Variants in FITM2 observed in about 807,000 individuals in gnomAD.
The protein encoded by FITM2 is acyl-coenzyme A diphosphatase FITM2.
In FITM2, 16 loss-of-function variants were observed where a neutral mutation model predicts 23.3. The observed-to-expected ratio is 0.69, with a 90% CI of 0.47 to 1.05. The LOEUF (loss-of-function observed/expected upper bound fraction) is 1.05. FITM2 is among the 50% of genes least tolerant of loss of function. The pLI is 0.00. For missense variants in FITM2, 273 were observed against 327.5 expected, an observed-to-expected ratio of 0.83 and a Z score of 1.29; for synonymous variants, 132 against 142.0, an observed-to-expected ratio of 0.93 and a Z score of 0.50.
chr20:44,311,167 C>A lies in FITM2; in HGVS notation c.-19G>T. On this transcript the variant is annotated 5_prime_UTR_variant, in exon 1 of 2. Transcript: ENST00000396825. ...GCTCCATGCCGGATCTCGTCAGCCA[C>A]CGTCCTCCTCTCCGTGCCCTCTCGG... is the stretch of plus-strand genomic sequence containing the variant. 6.2e-7 allele frequency: 1 copy of A among 1,605,264 alleles called. No homozygotes were observed. The highest frequency in any genetic ancestry group is 1.1e-5 in the South Asian group (1 of 90,250).
At chr20:44,307,581 C>T (rs1016574851) in intron 1 of FITM2, among the ~76,000 whole-genome samples, 6 of 151,656 alleles carry the variant, frequency 4.0e-5, no homozygotes, top group Admixed American at 6.6e-5. Flanking sequence ...GCGCATCACC[C>T]CGCCTGGCTA....
Position 44,311,123 on chromosome 20 carries a change from C to T in FITM2, c.26G>A (p.Trp9Ter). 6.2e-7 allele frequency: 1 copy of T among 1,612,922 alleles called. No individual in the cohort carries two copies. The highest frequency in any genetic ancestry group is 2.2e-5 in the East Asian group (1 of 44,856). Reference protein sequence around the residue: MEHLERCEWLLRGTLVRAA... With the variant: MEHLERCE ...CCGCACCAGCGTCCCCCGCAACAACCACTCGCAGCGCTCCAGATGCTCCAT... is the reference window on the plus strand; with the variant it reads ...CCGCACCAGCGTCCCCCGCAACAACTACTCGCAGCGCTCCAGATGCTCCAT... Residue 9 changes from tryptophan (W) to a stop codon, truncating the protein, a stop_gained, in exon 1 of 2, where the codon TGG becomes TAG. Transcript: ENST00000396825. LOFTEE classifies it high-confidence loss of function.
At position 44,311,100 on chromosome 20, in the gene FITM2, G is replaced by A. The variant is rs777161804; in HGVS notation, c.49C>T (p.Arg17Trp). Reference protein sequence around the residue: ...CEWLLRGTLVRAAVRRYLPWA... With the variant: ...CEWLLRGTLVWAAVRRYLPWA... The stretch of plus-strand genomic sequence containing the variant: ...GGCAGGTAGCGCCGCACGGCCGCCC[G>A]CACCAGCGTCCCCCGCAACAACCAC... The change falls in exon 1 of 2, where the codon CGG (arginine) becomes TGG (tryptophan). Residue 17 changes from arginine (R) to tryptophan (W), a missense_variant. Physicochemically the swap from Arg to Trp is moderately radical, Grantham distance 101. This residue lies in a region of FITM2 where 123 missense variants were observed against 117.9 expected (regional missense o/e 1.04). Coordinates refer to ENST00000396825, the MANE Select transcript of FITM2 (RefSeq NM_001080472.4). 1 of 1,612,762 alleles carries A rather than the reference G, an allele frequency of 6.2e-7. No individual in the cohort carries two copies. The highest frequency in any genetic ancestry group is 1.3e-5 in the African/African-American group (1 of 75,014).
rs755797399 is a variant in FITM2 at position 44,306,855 on chromosome 20, CG to C, written c.558del (p.Ala187ProfsTer12). 6.2e-7 allele frequency: 1 copy of C among 1,614,108 alleles called. No homozygotes were observed. The highest frequency in any genetic ancestry group is 8.5e-7 in the Non-Finnish European group (1 of 1,180,020). On this transcript the variant is annotated frameshift_variant, in exon 2 of 2. Coordinates refer to ENST00000396825, the MANE Select transcript of FITM2 (RefSeq NM_001080472.4). LOFTEE classifies it high-confidence loss of function. ...AGGGCCACAACCAGGGTGGTGATGG[CG>C]GTGTGGAGGCAGTGGCTTCGGTCCG... ...VKTDRSHCLH[T>X]AITTLVVALG...
rs771847947 is a variant in FITM2 at position 44,306,784 on chromosome 20, A to C, written c.630T>G (p.Ala210=). 1.2e-6 allele frequency: 2 copies of C among 1,614,170 alleles called. No individual in the cohort carries two copies. The highest frequency in any genetic ancestry group is 1.7e-5 in the Admixed American group (1 of 60,006). ...FIWVLMFLCT[A]VYFHNLSQKV... is the part of the protein sequence containing the mutation. ...TCTGGGACAAGTTGTGGAAATAAAC[A>C]GCTGTGCACAGAAACATCAACACCC... The change falls in exon 2 of 2, where the codon GCT becomes GCG. Residue 210 remains alanine (A), a synonymous_variant. Transcript: ENST00000396825.
intron 1 of FITM2, 114 bp downstream of exon 1, chr20:44,310,862 G>C: frequency 1.5e-6 from 2 of 1,376,332 alleles, no homozygotes; most frequent in Non-Finnish European, 1.9e-6. Flanking sequence ...ACGGCTAGGA[G>C]GAGGACCTCC....
Position 44,305,205 on chromosome 20 carries a change from G to A in FITM2, c.*1420C>T, listed in dbSNP as rs2062686326. The A allele has an allele frequency of 2.0e-5, 3 of 152,084 alleles. No individual in the cohort carries two copies. In the South Asian group the frequency reaches 6.2e-4, roughly 32 times the overall value. The allele number at this position is 152,084 out of a possible 1,614,324, so 9.4% of individuals were successfully genotyped here. A position where few individuals can be genotyped will look rare whatever the true frequency, so the allele number is the denominator to read the frequency against. On this transcript the variant is annotated 3_prime_UTR_variant, in exon 2 of 2. Coordinates refer to ENST00000396825, the MANE Select transcript of FITM2 (RefSeq NM_001080472.4). ...TGCCAGAGTGCAGCACTGGCCTTGTGAGTTATTTTCAGGAGTTTTATCAAC... is the reference window on the plus strand; with the variant it reads ...TGCCAGAGTGCAGCACTGGCCTTGTAAGTTATTTTCAGGAGTTTTATCAAC...
chr20:44,304,937 G>A lies in FITM2; in HGVS notation c.*1688C>T, dbSNP rs34631604. On this transcript the variant is annotated 3_prime_UTR_variant, in exon 2 of 2. Transcript: ENST00000396825. The stretch of plus-strand genomic sequence containing the variant: ...AGGGTCTCACTATGTTGCCCAGGCT[G>A]GTCTCAAACTCCTGGGATCCAGTAA... 14,846 of 152,184 alleles carry A rather than the reference G, an allele frequency of 0.098. 928 individuals carry two copies. The highest frequency in any genetic ancestry group is 0.14 in the South Asian group (667 of 4,824). The allele number at this position is 152,184 out of a possible 1,614,324, so 9.4% of individuals were successfully genotyped here. A position where few individuals can be genotyped will look rare whatever the true frequency, so the allele number is the denominator to read the frequency against.
chr20:44,310,095 G>A (rs1182984481), intron 1 of FITM2, among the ~76,000 whole-genome samples: 1 of 152,222 alleles, frequency 6.6e-6, no homozygotes, highest in Non-Finnish European at 1.5e-5. Context: ...TGAGGAAGCT[G>A]CCTGTGAAAG....
chr20:44,310,855 G>A, intron 1 of FITM2, 121 bp downstream of exon 1: 1 of 1,328,004 alleles, frequency 7.5e-7, no homozygotes, highest in Non-Finnish European at 1.0e-6. Context: ...TGCTGTCACG[G>A]CTAGGAGGAG....
In FITM2 at chr20:44,309,337, G is replaced by A. The variant is rs569544552; in HGVS notation, c.173+1639C>T. On this transcript the variant is annotated intron_variant, in intron 1 of 1. Coordinates refer to ENST00000396825, the MANE Select transcript of FITM2 (RefSeq NM_001080472.4). The stretch of plus-strand genomic sequence containing the variant: ...TGGAATTACAGGCACGCACCACCAC[G>A]CCAGGCTAATTTTTGTATTTTTAGT... Among the ~76,000 whole-genome samples, 18 of 152,064 alleles carry A rather than the reference G, an allele frequency of 1.2e-4. 2 individuals carry two copies. The highest frequency in any genetic ancestry group is 4.3e-4 in the African/African-American group (18 of 41,468).
chr20:44,309,837 C>T (rs1425221468), intron 1 of FITM2, among the ~76,000 whole-genome samples: 1 of 152,164 alleles, frequency 6.6e-6, no homozygotes, highest in Non-Finnish European at 1.5e-5. Flanking sequence ...CTGCCTTGTC[C>T]GCCTCCCCAG....
rs1473994940 is a variant in FITM2 at position 44,304,989 on chromosome 20, C to G, written c.*1636G>C. ...CCTCCCACCTCAGCCTCCCAAAGTG[C>G]CAGGATTATAGGTGTGAGCCACTAC... On this transcript the variant is annotated 3_prime_UTR_variant, in exon 2 of 2. Coordinates refer to ENST00000396825, the MANE Select transcript of FITM2 (RefSeq NM_001080472.4). The G allele has an allele frequency of 6.6e-6, 1 of 152,114 alleles. No individual in the cohort carries two copies. The highest frequency in any genetic ancestry group is 2.4e-5 in the African/African-American group (1 of 41,400). The allele number at this position is 152,114 out of a possible 1,614,324, so 9.4% of individuals were successfully genotyped here. A position where few individuals can be genotyped will look rare whatever the true frequency, so the allele number is the denominator to read the frequency against.
chr20:44,303,604 G>A lies in FITM2; in HGVS notation c.*3021C>T, dbSNP rs2062682437. ...GTCACCCTGTGCCTATTCCCTTTTG[G>A]TGCTGAACATGACACTTTGGAGAGC... On this transcript the variant is annotated 3_prime_UTR_variant, in exon 2 of 2. Transcript: ENST00000396825. 1 of 151,848 alleles carries A rather than the reference G, an allele frequency of 6.6e-6. No homozygotes were observed. Among genetic ancestry groups the A allele is most frequent in the African/African-American group, 2.4e-5 (1 of 41,298 alleles). The allele number at this position is 151,848 out of a possible 1,614,324, so 9.4% of individuals were successfully genotyped here. A position where few individuals can be genotyped will look rare whatever the true frequency, so the allele number is the denominator to read the frequency against.
chr20:44,303,082 C>T lies in FITM2; in HGVS notation c.*3543G>A, dbSNP rs1485945042. The T allele has an allele frequency of 6.6e-6, 1 of 152,142 alleles. No homozygotes were observed. The highest frequency in any genetic ancestry group is 1.5e-5 in the Non-Finnish European group (1 of 68,030). The allele number at this position is 152,142 out of a possible 1,614,324, so 9.4% of individuals were successfully genotyped here. Reference sequence around the variant, plus strand: ...GTAACCGACACTTTTCAACATAATACAGGACAATTTTAACAAAAGACCCAG... The same window carrying T: ...GTAACCGACACTTTTCAACATAATATAGGACAATTTTAACAAAAGACCCAG... On this transcript the variant is annotated 3_prime_UTR_variant, in exon 2 of 2. Transcript: ENST00000396825.
intron 1 of FITM2, among the ~76,000 whole-genome samples, chr20:44,310,323 A>G (rs2062701519): frequency 6.6e-6 from 1 of 152,180 alleles, no homozygotes; most frequent in South Asian, 2.1e-4. Flanking sequence ...GGTGGAGTTA[A>G]GGAGATGTCT....
intron 1 of FITM2, among the ~76,000 whole-genome samples, chr20:44,310,095 G>C (rs1182984481): frequency 2.0e-5 from 3 of 152,222 alleles, no homozygotes; most frequent in Admixed American, 6.5e-5. Context: ...TGAGGAAGCT[G>C]CCTGTGAAAG....
rs1193221676 is a variant in FITM2 at position 44,306,829 on chromosome 20, C to T, written c.585G>A (p.Leu195=). 6.2e-7 allele frequency: 1 copy of T among 1,614,148 alleles called. No individual in the cohort carries two copies. The highest frequency in any genetic ancestry group is 1.1e-5 in the South Asian group (1 of 91,078). The change falls in exon 2 of 2, where the codon CTG becomes CTA. Residue 195 remains leucine (L), a synonymous_variant. Transcript: ENST00000396825. ...ACACCCAGATGAAAGTCAGAATGCC[C>T]AGGGCCACAACCAGGGTGGTGATGG... ...HTAITTLVVA[L]GILTFIWVLM... is the part of the protein sequence containing the mutation.
At chr20:44,307,614 G>T (rs972474544) in intron 1 of FITM2, among the ~76,000 whole-genome samples, 2 of 151,384 alleles carry the variant, frequency 1.3e-5, no homozygotes, top group Non-Finnish European at 3.0e-5. Context: ...TTAGTAGAGA[G>T]GGGGTTTTAC....
Sources: allele counts gnomAD v4.1 joint callset (sites outside exome capture counted in the v4.1 genomes callset), GRCh38; gene constraint gnomAD v4.1.1; regional missense constraint gnomAD v4.1.1; transcripts MANE v1.5; gene names NCBI Gene and HGNC (gene_info 2026-07-23, HGNC 2026-07-21).